Variants in ULK4 observed in about 807,000 individuals in gnomAD.
ULK4 encodes the protein unc-51 like kinase 4.
ULK4 carries 133 observed loss-of-function variants against 160.6 expected under a neutral mutation model. That is an observed-to-expected ratio of 0.83 (90% CI 0.72 to 0.96). The LOEUF is 0.96. ULK4 is among the 40% of genes least tolerant of loss of function. ULK4 has a pLI of 0.00. For missense variants in ULK4, 1,580 were observed against 1,499.5 expected (o/e 1.05, Z -0.89); for synonymous variants, 534 against 539.8 (o/e 0.99, Z 0.15).
At chr3:41,408,992 G>A (rs2082355127) in intron 34 of ULK4, among the ~76,000 whole-genome samples, 1 of 152,060 alleles carries the variant, frequency 6.6e-6, no homozygotes, top group African/African-American at 2.4e-5. Context: ...AATGCAGCTG[G>A]GTGCTCTAGT....
chr3:41,390,125 T>A (rs547227094), intron 35 of ULK4, among the ~76,000 whole-genome samples: 3 of 152,342 alleles, frequency 2.0e-5, no homozygotes, highest in Non-Finnish European at 4.4e-5. Context: ...GAGGAATTCA[T>A]CCATTTCTTC....
At chr3:41,410,469 T>G (rs1457109214) in intron 34 of ULK4, among the ~76,000 whole-genome samples, 1 of 152,134 alleles carries the variant, frequency 6.6e-6, no homozygotes, top group Non-Finnish European at 1.5e-5. Context: ...ATAGGCCAGT[T>G]TATAGAAATA....
chr3:41,834,476 G>T (rs2041695114), intron 18 of ULK4, among the ~76,000 whole-genome samples: 4 of 152,076 alleles, frequency 2.6e-5, no homozygotes, highest in Admixed American at 6.6e-5. Flanking sequence ...CAGATGATTT[G>T]CAGAATTGGA....
At chr3:41,531,610 A>G (rs2086322740) in intron 32 of ULK4, among the ~76,000 whole-genome samples, 1 of 152,252 alleles carries the variant, frequency 6.6e-6, no homozygotes, top group Non-Finnish European at 1.5e-5. Flanking sequence ...AGATATTACA[A>G]AAGACCAAGT....
intron 35 of ULK4, among the ~76,000 whole-genome samples, chr3:41,294,954 A>G (rs2079640520): frequency 6.6e-6 from 1 of 152,226 alleles, no homozygotes; most frequent in African/African-American, 2.4e-5. Context: ...AACTGACTCT[A>G]AAAGTTATAT....
At chr3:41,347,714 C>G (rs988977196) in intron 35 of ULK4, among the ~76,000 whole-genome samples, 1 of 152,130 alleles carries the variant, frequency 6.6e-6, no homozygotes, top group African/African-American at 2.4e-5. Flanking sequence ...CATAGTGTCT[C>G]CAGACAAAAG....
intron 22 of ULK4, among the ~76,000 whole-genome samples, chr3:41,741,526 C>T (rs1185723509): frequency 1.3e-5 from 2 of 151,906 alleles, no homozygotes; most frequent in South Asian, 2.1e-4. Context: ...AGAAATAATG[C>T]TGCATTAAAT....
chr3:41,615,800 C>T (rs2032934239), intron 30 of ULK4, 83 bp from the exon 31 acceptor site: 1 of 1,249,842 alleles, frequency 8.0e-7, no homozygotes, highest in African/African-American at 1.5e-5. Context: ...CACCTCAGCC[C>T]CCATGTTTTA....
intron 21 of ULK4, among the ~76,000 whole-genome samples, chr3:41,757,079 T>A (rs531094828): frequency 1.0e-3 from 155 of 152,136 alleles, no homozygotes; most frequent in African/African-American, 3.7e-3. Context: ...TTGCAGCACA[T>A]TTTTTTAATA....
At chr3:41,446,625 GAC>G (rs928298965) in intron 34 of ULK4, among the ~76,000 whole-genome samples, 3 of 134,442 alleles carry the variant, frequency 2.2e-5, no homozygotes, top group Admixed American at 7.8e-5. Context: ...CTATCGCAGG[GAC>G]AAAAAAAACA....
chr3:41,950,397 T>C (rs1318613061), intron 2 of ULK4, among the ~76,000 whole-genome samples: 2 of 152,144 alleles, frequency 1.3e-5, no homozygotes, highest in East Asian at 1.9e-4. Context: ...TGTGCCACCA[T>C]GCCCGGCTGA....
At chr3:41,896,402 G>C (rs1444379640) in intron 15 of ULK4, among the ~76,000 whole-genome samples, 1 of 152,064 alleles carries the variant, frequency 6.6e-6, no homozygotes, top group Non-Finnish European at 1.5e-5. Flanking sequence ...TTACAGGAGT[G>C]CACTGCCACA....
At chr3:41,908,035 G>A in intron 11 of ULK4, 94 bp from the exon 12 acceptor site, 1 of 814,576 alleles carries the variant, frequency 1.2e-6, no homozygotes, top group Non-Finnish European at 1.8e-6. Context: ...ATGAAAAATG[G>A]TAGAGTATGA....
At chr3:41,703,517 T>G (rs1368402904) in intron 27 of ULK4, among the ~76,000 whole-genome samples, 1 of 152,126 alleles carries the variant, frequency 6.6e-6, no homozygotes, top group African/African-American at 2.4e-5. Context: ...AACGCAGTAT[T>G]TAAACCTAAT....
intron 31 of ULK4, among the ~76,000 whole-genome samples, chr3:41,592,643 G>C (rs1575460641): frequency 6.6e-6 from 1 of 152,144 alleles, no homozygotes; most frequent in Non-Finnish European, 1.5e-5. Context: ...TAAATGTATA[G>C]AGAAGTAAAA....
rs764657225 is a variant in ULK4 at position 41,246,884 on chromosome 3, G to A, written c.*45C>T. 12 of 1,604,400 alleles carry A rather than the reference G, an allele frequency of 7.5e-6. No homozygotes were observed. The highest frequency in any genetic ancestry group is 2.2e-5 in the East Asian group (1 of 44,630). On this transcript the variant is annotated 3_prime_UTR_variant, in exon 37 of 37. Coordinates refer to ENST00000301831, the MANE Select transcript of ULK4 (RefSeq NM_017886.4). ...GGGAGCTGACCTTGCTTATGCATCC[G>A]AGGGCTGGGGCCACAGGGCGGGCTT...
intron 29 of ULK4, among the ~76,000 whole-genome samples, chr3:41,664,739 A>T (rs1211437587): frequency 6.6e-6 from 1 of 152,164 alleles, no homozygotes; most frequent in Non-Finnish European, 1.5e-5. Flanking sequence ...AATTTTTGTA[A>T]ACAAAAAATT....
chr3:41,266,835 C>T (rs7623853), intron 35 of ULK4, among the ~76,000 whole-genome samples: 9,947 of 152,068 alleles, frequency 0.065, 793 homozygotes, highest in African/African-American at 0.18. Flanking sequence ...GTGCTTCATC[C>T]AAACAGCCTC....
chr3:41,862,767 C>CAG (rs762487560), intron 17 of ULK4, among the ~76,000 whole-genome samples: 1 of 88,610 alleles, frequency 1.1e-5, no homozygotes, highest in Non-Finnish European at 2.2e-5. Context: ...GTCAGTCAGT[C>CAG]TCTCTCTCTC....
Sources: gnomAD v4.1 joint callset for allele counts (sites outside exome capture counted in the v4.1 genomes callset) on GRCh38, gnomAD v4.1.1 for gene constraint, MANE v1.5 for transcripts, NCBI Gene and HGNC (gene_info 2026-07-23, HGNC 2026-07-21) for gene names.